CPVL: variants seen among roughly 807,000 people sequenced by gnomAD.
CPVL encodes carboxypeptidase vitellogenic like, also known as probable serine carboxypeptidase CPVL.
In CPVL, 51 loss-of-function variants were observed where a neutral mutation model predicts 63.7. The ratio of observed to expected loss-of-function variants is 0.80; its 90% CI spans 0.64 to 1.01. The LOEUF (loss-of-function observed/expected upper bound fraction) is 1.01. Among genes scored for constraint, CPVL ranks in the 50% least tolerant of loss-of-function variants. The pLI is 0.00. For missense variants in CPVL, 530 were observed against 573.1 expected, an observed-to-expected ratio of 0.92 and a Z score of 0.77; for synonymous variants, 195 against 206.0, an observed-to-expected ratio of 0.95 and a Z score of 0.46.
chr7:29,158,560 G>C (rs539797266), intron 5 of CPVL, among the ~76,000 whole-genome samples: 1 of 152,096 alleles, frequency 6.6e-6, no homozygotes, highest in Admixed American at 6.5e-5. Flanking sequence ...TTACCAGAGA[G>C]GAAAATATTT....
chr7:29,185,514 A>G (rs1798600731), exon 3 of CPVL: 1 of 151,908 alleles, frequency 6.6e-6, no homozygotes, highest in Admixed American at 6.6e-5. Context: ...AGCTCTTACC[A>G]TTTCCAGTCA....
At chr7:29,080,739 G>A (rs1046970538) in intron 7 of CPVL, among the ~76,000 whole-genome samples, 27 of 151,140 alleles carry the variant, frequency 1.8e-4, no homozygotes, top group Non-Finnish European at 3.2e-4. Flanking sequence ...CTAACCCAAT[G>A]GGCCATGATG....
rs774801977 is a variant in CPVL at position 29,066,119 on chromosome 7, T to C, written c.867A>G (p.Ile289Met). The C allele has an allele frequency of 2.0e-5, 30 of 1,532,120 alleles. No homozygotes were observed. The highest frequency in any genetic ancestry group is 2.7e-5 in the Non-Finnish European group (30 of 1,109,710). 94.9% of individuals were successfully genotyped at this position (1,532,120 alleles called of 1,614,324 possible). The change falls in exon 10 of 13, where the codon ATA becomes ATG. Residue 289 changes from isoleucine (I) to methionine (M), a missense_variant and splice_region_variant. By Grantham distance (10) the Ile-to-Met change is conservative. Transcript: ENST00000265394. ...AGTCGCCATCTAGTAGTTTATCCAGTATCTAGGTTGGGAGAGAGGGAGAAA... is the reference window on the plus strand; with the variant it reads ...AGTCGCCATCTAGTAGTTTATCCAGCATCTAGGTTGGGAGAGAGGGAGAAA... ...RKQNWFEAFE[I>M]LDKLLDGDLT...
chr7:29,192,069 G>C (rs146270615), intron 1 of CPVL: 1 of 152,156 alleles, frequency 6.6e-6, no homozygotes, highest in Non-Finnish European at 1.5e-5. Context: ...TCTGAACCTG[G>C]AGCTTTCTGT....
At chr7:29,046,317 C>G (rs1789607971) in intron 11 of CPVL, among the ~76,000 whole-genome samples, 1 of 152,112 alleles carries the variant, frequency 6.6e-6, no homozygotes, top group Non-Finnish European at 1.5e-5. Context: ...AACTCCTGAC[C>G]TTGTGATCTG....
chr7:29,052,861 A>G (rs551064322), intron 11 of CPVL, among the ~76,000 whole-genome samples: 1 of 152,322 alleles, frequency 6.6e-6, no homozygotes, highest in African/African-American at 2.4e-5. Context: ...GTGAGCCAGG[A>G]TCATGCCACT....
intron 11 of CPVL, among the ~76,000 whole-genome samples, chr7:29,036,564 G>T (rs145817419): frequency 4.3e-4 from 65 of 152,256 alleles, no homozygotes; most frequent in African/African-American, 1.5e-3. Flanking sequence ...TCAAGCTCTC[G>T]AAATAATAAC....
chr7:29,159,565 G>T (rs1794897831), intron 5 of CPVL, among the ~76,000 whole-genome samples: 1 of 152,020 alleles, frequency 6.6e-6, no homozygotes, highest in African/African-American at 2.4e-5. Flanking sequence ...GATGAAATGG[G>T]GTGGCTAATT....
intron 2 of CPVL, among the ~76,000 whole-genome samples, chr7:29,119,140 C>T (rs558577657): frequency 6.6e-6 from 1 of 152,296 alleles, no homozygotes; most frequent in South Asian, 2.1e-4. Flanking sequence ...TACTGAAGTC[C>T]AGAAAGTTGA....
intron 1 of CPVL, chr7:29,126,354 G>A (rs1421085494): frequency 1.3e-5 from 2 of 152,086 alleles, no homozygotes; most frequent in African/African-American, 2.4e-5. Context: ...ACATTTACCT[G>A]CACATACTGG....
rs763877062 is a variant in CPVL, at chr7:29,064,047, A to G, written c.1137+14T>C. The G allele has an allele frequency of 2.5e-6, 4 of 1,580,782 alleles. No individual in the cohort carries two copies. The highest frequency in any genetic ancestry group is 3.5e-6 in the Non-Finnish European group (4 of 1,152,320). The stretch of plus-strand genomic sequence containing the variant: ...TGAAAGTTCCTAAAATAGTAACTGA[A>G]GTAGCTCTCTTACCTTATAATTATT... On this transcript the variant is annotated intron_variant, in intron 11 of 12. Coordinates refer to ENST00000265394, the MANE Select transcript of CPVL (RefSeq NM_031311.5).
At chr7:29,124,392 T>G (rs115331446) in intron 1 of CPVL, among the ~76,000 whole-genome samples, 1 of 152,162 alleles carries the variant, frequency 6.6e-6, no homozygotes, top group Non-Finnish European at 1.5e-5. Flanking sequence ...TTCTTCTTAA[T>G]AAATGTTTAG....
At chr7:29,122,571 C>G (rs980132598) in intron 1 of CPVL, 1 of 152,110 alleles carries the variant, frequency 6.6e-6, no homozygotes, top group Non-Finnish European at 1.5e-5. Context: ...GATTCAGAAG[C>G]CTGACTAAAA....
chr7:29,126,321 T>G (rs182636778), intron 1 of CPVL: 1 of 152,320 alleles, frequency 6.6e-6, no homozygotes, highest in Non-Finnish European at 1.5e-5. Context: ...AGGCCTTCTT[T>G]TTTTCAGACT....
chr7:29,163,770 T>A (rs1000711214), intron 5 of CPVL, among the ~76,000 whole-genome samples: 56 of 152,244 alleles, frequency 3.7e-4, no homozygotes, highest in Non-Finnish European at 1.0e-4. Flanking sequence ...TTTTAAAATT[T>A]TTAAATAAAT....
intron 11 of CPVL, among the ~76,000 whole-genome samples, chr7:29,033,355 G>A (rs1200947957): frequency 6.6e-6 from 1 of 152,144 alleles, no homozygotes; most frequent in South Asian, 2.1e-4. Flanking sequence ...AGGTGGGCAC[G>A]GCATAGGGGT....
intron 12 of CPVL, among the ~76,000 whole-genome samples, chr7:29,004,805 C>T (rs1399377362): frequency 6.6e-6 from 1 of 152,044 alleles, no homozygotes; most frequent in African/African-American, 2.4e-5. Flanking sequence ...TGGTTGCTTA[C>T]TCTATGAATA....
At chr7:29,157,809 G>A (rs1223003186) in intron 5 of CPVL, among the ~76,000 whole-genome samples, 11 of 150,978 alleles carry the variant, frequency 7.3e-5, no homozygotes, top group Non-Finnish European at 1.6e-4. Context: ...TGTCACAGAG[G>A]TTTCAAAGAG....
intron 12 of CPVL, among the ~76,000 whole-genome samples, chr7:29,025,563 G>A (rs566546375): frequency 6.6e-6 from 1 of 152,156 alleles, no homozygotes. Context: ...AGACTTGGAG[G>A]GGACAAACAT....
Sources: allele counts gnomAD v4.1 joint callset (sites outside exome capture counted in the v4.1 genomes callset), GRCh38; gene constraint gnomAD v4.1.1; transcripts MANE v1.5; gene names NCBI Gene and HGNC (gene_info 2026-07-23, HGNC 2026-07-21).